Variants in CADPS observed in about 807,000 individuals in gnomAD.
CADPS encodes the protein calcium dependent secretion activator, also known as calcium-dependent secretion activator 1.
Under a neutral mutation model 167.3 loss-of-function variants are expected in CADPS, and 57 were observed. The ratio of observed to expected loss-of-function variants is 0.34; its 90% CI spans 0.28 to 0.42. The LOEUF is 0.42. Ranked by LOEUF, CADPS falls within the 20% of genes least tolerant of loss-of-function variation. CADPS has a pLI of 1.00. For missense variants in CADPS, 1,414 were observed against 1,738.1 expected (o/e 0.81, Z 3.32); for synonymous variants, 676 against 635.3 (o/e 1.06, Z -0.96).
chr3:62,701,473 GA>G (rs1183351213), intron 3 of CADPS, among the ~76,000 whole-genome samples: 2 of 152,046 alleles, frequency 1.3e-5, no homozygotes, highest in African/African-American at 2.4e-5. Flanking sequence ...GTGATGCTTA[GA>G]AAAGATGCCC....
intron 8 of CADPS, among the ~76,000 whole-genome samples, chr3:62,580,358 T>C (rs1174573424): frequency 6.6e-6 from 1 of 152,110 alleles, no homozygotes; most frequent in African/African-American, 2.4e-5. Flanking sequence ...ACACCACATG[T>C]TCTCACTCAT....
chr3:62,825,068 T>C (rs2073786631), intron 1 of CADPS, among the ~76,000 whole-genome samples: 1 of 152,188 alleles, frequency 6.6e-6, no homozygotes, highest in Non-Finnish European at 1.5e-5. Context: ...GAAAATTGGC[T>C]ATGGACACTT....
At chr3:62,411,243 A>G (rs190966889) in intron 28 of CADPS, among the ~76,000 whole-genome samples, 1 of 152,282 alleles carries the variant, frequency 6.6e-6, no homozygotes, top group Admixed American at 6.5e-5. Context: ...GAGGATTTTT[A>G]TATTTTCTCT....
Position 62,433,534 on chromosome 3 carries a change from A to G in CADPS, c.3777+4570T>C, listed in dbSNP as rs2054390669. Among the ~76,000 whole-genome samples the G allele has an allele frequency of 6.6e-6, 1 of 152,200 alleles. No homozygotes were observed. Among genetic ancestry groups the G allele is most frequent in the Non-Finnish European group, 1.5e-5 (1 of 68,034 alleles). ...CAGATTAAGTGTATAATTGACCTAT[A>G]TAATCCATGTATCATCTCCAGTCAA... is the stretch of plus-strand genomic sequence containing the variant. On this transcript the variant is annotated intron_variant, in intron 28 of 29. Coordinates refer to ENST00000383710, the MANE Select transcript of CADPS (RefSeq NM_003716.4). The surrounding 1 kb of genome is among the most constrained non-coding windows in gnomAD (Gnocchi z 4.7).
rs1452041505 is a variant in CADPS, at chr3:62,874,376, C to G, written c.441+213G>C. 1.3e-5 allele frequency among the ~76,000 whole-genome samples: 2 copies of G among 152,150 alleles called. No individual in the cohort carries two copies. ...CGGCGCTGCGCTCCGCGGCCCTCGC[C>G]GGTCCCAGTCAGCTCCAGGAGCGCT... On this transcript the variant is annotated intron_variant, in intron 1 of 29. Transcript: ENST00000383710. This position sits in a 1 kb window ranked among gnomAD's most constrained non-coding sequence, Gnocchi z 7.1.
At chr3:62,654,767 GT>G (rs1176492587) in intron 4 of CADPS, among the ~76,000 whole-genome samples, 18 of 152,194 alleles carry the variant, frequency 1.2e-4, no homozygotes, top group African/African-American at 4.3e-4. Flanking sequence ...GGTATTTGGT[GT>G]GGGTGGGGGA....
intron 17 of CADPS, among the ~76,000 whole-genome samples, chr3:62,501,858 G>A (rs535698652): frequency 1.3e-5 from 2 of 152,330 alleles, no homozygotes; most frequent in East Asian, 3.9e-4. Flanking sequence ...GATATCAATA[G>A]ATACACATAA....
At chr3:62,702,404 C>T (rs994775409) in intron 3 of CADPS, among the ~76,000 whole-genome samples, 10 of 151,984 alleles carry the variant, frequency 6.6e-5, no homozygotes, top group Admixed American at 2.0e-4. Context: ...CTGAGCCTGT[C>T]GGGGGAAGAA....
chr3:62,475,834 T>C (rs1252649480), intron 23 of CADPS, among the ~76,000 whole-genome samples: 2 of 152,176 alleles, frequency 1.3e-5, no homozygotes, highest in African/African-American at 4.8e-5. Context: ...CTGAGGCTTG[T>C]GTGCCAGTTC....
Position 62,399,487 on chromosome 3 carries a change from G to A in CADPS, c.3981C>T (p.Ala1327=). Residue 1327 remains alanine (A), a synonymous_variant, in exon 30 of 30, where the codon GCC becomes GCT. Transcript: ENST00000383710. This position sits in a 1 kb window ranked among gnomAD's most constrained non-coding sequence, Gnocchi z 5.6. The stretch of plus-strand genomic sequence containing the variant: ...CCCCACCTTCACTCACTGATGCTGT[G>A]GCTTCCTCCACAGTGAGACGGTTCC... ...TIRNRLTVEE[A]TASVSEGGGL... 1 of 1,614,108 alleles carries A rather than the reference G, an allele frequency of 6.2e-7. No homozygotes were observed. The highest frequency in any genetic ancestry group is 8.5e-7 in the Non-Finnish European group (1 of 1,180,006).
chr3:62,513,967 A>G (rs997256534), intron 16 of CADPS, among the ~76,000 whole-genome samples: 15 of 152,046 alleles, frequency 9.9e-5, no homozygotes, highest in Non-Finnish European at 2.1e-4. Context: ...TACAATGACC[A>G]AAACATCATG....
chr3:62,605,250 C>CAAA lies in CADPS; in HGVS notation c.1326-12505_1326-12503dup, dbSNP rs34366222. Among the ~76,000 whole-genome samples, 245 of 43,048 alleles carry CAAA rather than the reference C, an allele frequency of 5.7e-3. 1 individual carries two copies. Among genetic ancestry groups the CAAA allele is most frequent in the African/African-American group, 0.029 (233 of 8,064 alleles). The allele number at this position is 43,048 out of a possible 152,430, so 28.2% of individuals were successfully genotyped here. On this transcript the variant is annotated intron_variant, in intron 6 of 29. Coordinates refer to ENST00000383710, the MANE Select transcript of CADPS (RefSeq NM_003716.4). ...AACAGGAGCCAAATGAGGGGAAAAA[C>CAAA]AAAAAAAAAAAAACTGGGAGAGACA...
intron 1 of CADPS, among the ~76,000 whole-genome samples, chr3:62,771,391 T>A (rs904650742): frequency 1.3e-5 from 2 of 152,184 alleles, no homozygotes; most frequent in Non-Finnish European, 2.9e-5. Flanking sequence ...CATGAGTGAA[T>A]GAAAATCTTA....
chr3:62,670,496 C>A (rs920468431), intron 3 of CADPS, among the ~76,000 whole-genome samples: 2 of 152,094 alleles, frequency 1.3e-5, no homozygotes, highest in African/African-American at 4.8e-5. Context: ...TCAAAGTTTC[C>A]ATTCTGAATG....
chr3:62,847,346 T>C (rs2077661569), intron 1 of CADPS, among the ~76,000 whole-genome samples: 1 of 136,684 alleles, frequency 7.3e-6, no homozygotes, highest in Non-Finnish European at 1.6e-5. Flanking sequence ...GTTACATATG[T>C]ATACATGTGC....
intron 3 of CADPS, among the ~76,000 whole-genome samples, chr3:62,694,028 T>C (rs957192807): frequency 6.6e-6 from 1 of 152,028 alleles, no homozygotes; most frequent in African/African-American, 2.4e-5. Flanking sequence ...AGCCTCTTTA[T>C]CTGGTCACCC....
intron 3 of CADPS, among the ~76,000 whole-genome samples, chr3:62,711,814 G>A (rs895370377): frequency 1.3e-5 from 2 of 152,148 alleles, no homozygotes; most frequent in Non-Finnish European, 2.9e-5. Context: ...TATTCTAAGA[G>A]CTATATGCAT....
At chr3:62,502,443 T>C (rs1576916194) in intron 17 of CADPS, among the ~76,000 whole-genome samples, 1 of 152,306 alleles carries the variant, frequency 6.6e-6, no homozygotes, top group African/African-American at 2.4e-5. Context: ...TACAATAGAA[T>C]TGAAGCTCAT....
intron 26 of CADPS, among the ~76,000 whole-genome samples, chr3:62,449,455 A>G (rs2057724354): frequency 6.6e-6 from 1 of 152,226 alleles, no homozygotes; most frequent in Non-Finnish European, 1.5e-5. Flanking sequence ...CTTTTCCTGT[A>G]CAATGTCAGC....
Sources: allele counts gnomAD v4.1 joint callset (sites outside exome capture counted in the v4.1 genomes callset), GRCh38; gene constraint gnomAD v4.1.1; non-coding constraint Gnocchi (gnomAD v3.1); transcripts MANE v1.5; gene names NCBI Gene and HGNC (gene_info 2026-07-23, HGNC 2026-07-21).